DCC: variants seen among roughly 807,000 people sequenced by gnomAD.
The protein encoded by DCC is netrin receptor DCC.
A neutral mutation model predicts 172.5 loss-of-function variants in DCC; 58 were observed. That is an observed-to-expected ratio of 0.34 (90% CI 0.27 to 0.42). DCC has a LOEUF of 0.42. DCC is among the 10% of genes least tolerant of loss of function. The pLI, the probability that DCC is intolerant of heterozygous loss-of-function variation, is 1.00. For missense variants in DCC, 1,740 were observed against 1,791.0 expected, an observed-to-expected ratio of 0.97 and a Z score of 0.51; for synonymous variants, 709 against 644.5, an observed-to-expected ratio of 1.10 and a Z score of -1.52.
chr18:52,635,151 A>G (rs1199271550), intron 1 of DCC, among the ~76,000 whole-genome samples: 4 of 152,218 alleles, frequency 2.6e-5, no homozygotes, highest in Non-Finnish European at 4.4e-5. Context: ...TTTACAACAC[A>G]GTAGTTTATC....
At chr18:52,472,623 C>A (rs1988979325) in intron 1 of DCC, among the ~76,000 whole-genome samples, 1 of 152,178 alleles carries the variant, frequency 6.6e-6, no homozygotes, top group African/African-American at 2.4e-5. Flanking sequence ...GCCCTTAAGG[C>A]CAGCAGCAGT....
At chr18:53,432,259 T>C (rs1911666032) in intron 21 of DCC, among the ~76,000 whole-genome samples, 1 of 152,182 alleles carries the variant, frequency 6.6e-6, no homozygotes, top group Non-Finnish European at 1.5e-5. Flanking sequence ...AGTTGGTTAA[T>C]ATTAACCATA....
At chr18:52,832,799 C>A (rs1374428323) in intron 2 of DCC, among the ~76,000 whole-genome samples, 5 of 152,162 alleles carry the variant, frequency 3.3e-5, no homozygotes, top group African/African-American at 1.2e-4. Context: ...GGCACATGTT[C>A]ATATGGTTTG....
intron 12 of DCC, among the ~76,000 whole-genome samples, chr18:53,289,637 A>G (rs2144746209): frequency 6.6e-6 from 1 of 152,266 alleles, no homozygotes; most frequent in Non-Finnish European, 1.5e-5. Context: ...TGTAAATTAT[A>G]GTGAGATTTT....
intron 27 of DCC, among the ~76,000 whole-genome samples, chr18:53,510,971 A>G (rs759706776): frequency 2.6e-5 from 4 of 152,224 alleles, no homozygotes; most frequent in Non-Finnish European, 5.9e-5. Context: ...TGTCTAAGAA[A>G]GAACATATAA....
chr18:52,625,538 C>T (rs192870007), intron 1 of DCC, among the ~76,000 whole-genome samples: 6 of 152,196 alleles, frequency 3.9e-5, no homozygotes, highest in Non-Finnish European at 7.4e-5. Context: ...TCCCTCTTTC[C>T]TACTTCATTA....
chr18:52,745,546 G>A (rs905937173), intron 1 of DCC, among the ~76,000 whole-genome samples: 3 of 151,974 alleles, frequency 2.0e-5, no homozygotes, highest in African/African-American at 7.3e-5. Context: ...TAGGATACAG[G>A]CTGATATTTT....
chr18:52,903,135 A>G (rs532926869), intron 2 of DCC, among the ~76,000 whole-genome samples: 6 of 152,354 alleles, frequency 3.9e-5, no homozygotes, highest in Non-Finnish European at 8.8e-5. Flanking sequence ...TCCAGGCTCT[A>G]GAACCTACTT....
intron 27 of DCC, among the ~76,000 whole-genome samples, chr18:53,525,912 C>T (rs2046449450): frequency 6.6e-6 from 1 of 152,088 alleles, no homozygotes; most frequent in Non-Finnish European, 1.5e-5. Flanking sequence ...GTTGTATTAG[C>T]GCTACAAGCT....
At chr18:53,203,685 C>A (rs1006486177) in intron 9 of DCC, among the ~76,000 whole-genome samples, 5 of 152,110 alleles carry the variant, frequency 3.3e-5, no homozygotes, top group African/African-American at 1.2e-4. Context: ...TTTTCCTATG[C>A]CATTTTTGCT....
chr18:52,642,391 G>A (rs1166702587), intron 1 of DCC, among the ~76,000 whole-genome samples: 2 of 151,928 alleles, frequency 1.3e-5, no homozygotes, highest in Non-Finnish European at 2.9e-5. Context: ...CGGGTGATGG[G>A]TGTACCAAAA....
intron 2 of DCC, among the ~76,000 whole-genome samples, chr18:52,835,778 A>G (rs2038693914): frequency 6.6e-6 from 1 of 152,226 alleles, no homozygotes; most frequent in Admixed American, 6.5e-5. Flanking sequence ...AGTAACATTT[A>G]TTGACAAAAA....
At chr18:52,773,889 A>T (rs8082944) in intron 2 of DCC, among the ~76,000 whole-genome samples, 4,463 of 152,264 alleles carry the variant, frequency 0.029, 223 homozygotes, top group African/African-American at 0.1. Flanking sequence ...AACAATTTGT[A>T]GGAAAGATAA....
intron 1 of DCC, among the ~76,000 whole-genome samples, chr18:52,693,787 GC>G (rs1323379060): frequency 6.6e-6 from 1 of 152,020 alleles, no homozygotes; most frequent in Non-Finnish European, 1.5e-5. Flanking sequence ...AATTGTCAGA[GC>G]TGAAACAAAT....
intron 1 of DCC, among the ~76,000 whole-genome samples, chr18:52,627,254 C>A (rs1364025124): frequency 6.6e-6 from 1 of 152,184 alleles, no homozygotes; most frequent in Non-Finnish European, 1.5e-5. Flanking sequence ...CTCCTCCCTT[C>A]AGAATTAAGG....
chr18:53,240,001 A>G (rs931970002), intron 12 of DCC, among the ~76,000 whole-genome samples: 71 of 149,490 alleles, frequency 4.7e-4, no homozygotes, highest in Non-Finnish European at 8.3e-4. Flanking sequence ...AAACATTTAG[A>G]CATTCAAAAT....
At chr18:52,854,677 A>G (rs1289997891) in intron 2 of DCC, among the ~76,000 whole-genome samples, 1 of 152,252 alleles carries the variant, frequency 6.6e-6, no homozygotes. Flanking sequence ...TGTGAGCTTG[A>G]GAAAATAGAA....
At chr18:52,642,049 GTGGTGTGTGTGTGTATATATA>G (rs2034911070) in intron 1 of DCC, among the ~76,000 whole-genome samples, 1 of 4,990 alleles carries the variant, frequency 2.0e-4, no homozygotes, top group Non-Finnish European at 6.0e-4. Context: ...TATATATACT[GTGGTGTGTGTGTGTATATATA>G]TATATATATA....
intron 9 of DCC, among the ~76,000 whole-genome samples, chr18:53,193,886 C>T (rs1171688159): frequency 6.6e-6 from 1 of 152,132 alleles, no homozygotes; most frequent in Non-Finnish European, 1.5e-5. Flanking sequence ...AAAATCTGCT[C>T]ACTTGACTGT....
Sources: allele counts gnomAD v4.1 joint callset (sites outside exome capture counted in the v4.1 genomes callset), GRCh38; gene constraint gnomAD v4.1.1; transcripts MANE v1.5; gene names NCBI Gene and HGNC (gene_info 2026-07-23, HGNC 2026-07-21).